The following GSE1 variants were observed in gnomAD, a reference collection of about 807,000 sequenced individuals.
GSE1 encodes the protein Gse1 coiled-coil protein, also known as genetic suppressor element 1.
In GSE1, 32 loss-of-function variants were observed where a neutral mutation model predicts 112.6. The observed-to-expected ratio is 0.28, with a 90% CI of 0.21 to 0.38. The LOEUF (loss-of-function observed/expected upper bound fraction) is 0.38. Among genes scored for constraint, GSE1 ranks in the 10% least tolerant of loss-of-function variants. The probability of loss-of-function intolerance (pLI) is 1.00; values close to 1 mark genes in which losing one functional copy is unlikely to be tolerated. For synonymous variants in GSE1, 1,115 were observed against 735.6 expected, an observed-to-expected ratio of 1.52 and a Z score of -8.35; for missense variants, 2,348 against 1,699.2, an observed-to-expected ratio of 1.38 and a Z score of -6.71.
At position 85,215,329 on chromosome 16, in the gene GSE1, A is replaced by G. The variant is rs115301545; in HGVS notation, c.2283+43522A>G. Among the ~76,000 whole-genome samples the G allele has an allele frequency of 3.5e-3, 540 of 152,212 alleles. 4 individuals carry two copies. The highest frequency in any genetic ancestry group is 0.013 in the African/African-American group (520 of 41,514). On this transcript the variant is annotated intron_variant, in intron 1 of 2. Transcript: ENST00000637419. ...GGAAACCCCAAAACCATACGTTCTC[A>G]CTTGTAGGTGGGAGCTAAGCTATGA...
intron 1 of GSE1, among the ~76,000 whole-genome samples, chr16:85,589,533 T>C (rs1408822836): frequency 6.6e-6 from 1 of 152,180 alleles, no homozygotes; most frequent in Non-Finnish European, 1.5e-5. Context: ...GGGGGGTCCC[T>C]GGTATTTGTT....
At chr16:85,430,295 C>G (rs2049089434) in intron 2 of GSE1, among the ~76,000 whole-genome samples, 1 of 152,190 alleles carries the variant, frequency 6.6e-6, no homozygotes. Flanking sequence ...AAGAAACACA[C>G]AGAAGGAAGA....
chr16:85,487,277 C>T (rs1344610375), intron 2 of GSE1, among the ~76,000 whole-genome samples: 1 of 152,206 alleles, frequency 6.6e-6, no homozygotes, highest in Non-Finnish European at 1.5e-5. Flanking sequence ...CTTGCACTCA[C>T]AGCCTTGCGT....
At chr16:85,376,026 A>G (rs975717442) in intron 2 of GSE1, among the ~76,000 whole-genome samples, 4 of 151,914 alleles carry the variant, frequency 2.6e-5, no homozygotes, top group African/African-American at 7.3e-5. Context: ...CAGACCCCAC[A>G]CTCCAACTTG....
chr16:85,229,733 C>T (rs1268391104), intron 1 of GSE1, among the ~76,000 whole-genome samples: 2 of 152,182 alleles, frequency 1.3e-5, no homozygotes, highest in South Asian at 2.1e-4. Flanking sequence ...AAGCGCAGTT[C>T]GCAGCTCCAG....
At chr16:85,521,717 T>C (rs1598052322) in intron 2 of GSE1, among the ~76,000 whole-genome samples, 1 of 151,654 alleles carries the variant, frequency 6.6e-6, no homozygotes, top group Non-Finnish European at 1.5e-5. Context: ...GGAGCAGGAG[T>C]GTGTTGCTCT....
chr16:85,200,078 A>G (rs4564552), intron 1 of GSE1, among the ~76,000 whole-genome samples: 1 of 151,996 alleles, frequency 6.6e-6, no homozygotes, highest in Admixed American at 6.6e-5. Flanking sequence ...CTGTTATCCC[A>G]CCCTCTGCGG....
chr16:85,194,953 C>T (rs542217825), intron 1 of GSE1, among the ~76,000 whole-genome samples: 3 of 152,118 alleles, frequency 2.0e-5, no homozygotes, highest in South Asian at 2.1e-4. Flanking sequence ...CAGCCAGGGC[C>T]GGTCGTGAGG....
intron 1 of GSE1, among the ~76,000 whole-genome samples, chr16:85,240,723 T>C (rs375384845): frequency 4.2e-4 from 64 of 152,326 alleles, no homozygotes; most frequent in African/African-American, 1.5e-3. Context: ...AGGACTGCCA[T>C]TGTCCTGAGC....
chr16:85,432,479 C>T (rs2049145124), intron 2 of GSE1, among the ~76,000 whole-genome samples: 1 of 152,256 alleles, frequency 6.6e-6, no homozygotes, highest in Admixed American at 6.5e-5. Flanking sequence ...AGCAGCTGAG[C>T]TGCACATCCC....
intron 10 of GSE1, 67 bp from the exon 11 acceptor site, chr16:85,663,277 C>T: frequency 6.4e-7 from 1 of 1,555,616 alleles, no homozygotes; most frequent in South Asian, 1.1e-5. Context: ...CAGGAGGGGA[C>T]CCCGGGACAG....
At chr16:85,249,911 G>T (rs549530560) in intron 1 of GSE1, among the ~76,000 whole-genome samples, 1 of 152,388 alleles carries the variant, frequency 6.6e-6, no homozygotes, top group East Asian at 1.9e-4. Flanking sequence ...TGGTGATGCG[G>T]CAGGGCCGAG....
rs570094083 is a variant in GSE1 at position 85,214,576 on chromosome 16, C to T, written c.2283+42769C>T. Among the ~76,000 whole-genome samples the T allele has an allele frequency of 2.4e-4, 37 of 152,294 alleles. 1 individual carries two copies. The highest frequency in any genetic ancestry group is 5.1e-4 in the Non-Finnish European group (35 of 68,022). Reference sequence around the variant, plus strand: ...ATCCAGACTTCTCCTAACCGAACTGCACCGAGAATGACTTTCTGAGGTTTT... The same window carrying T: ...ATCCAGACTTCTCCTAACCGAACTGTACCGAGAATGACTTTCTGAGGTTTT... On this transcript the variant is annotated intron_variant, in intron 1 of 2. Coordinates refer to the GSE1 transcript ENST00000637419.
chr16:85,633,766 C>G lies in GSE1; in HGVS notation c.8-148C>G, dbSNP rs879155589. The G allele has an allele frequency of 3.2e-5, 20 of 618,082 alleles. No individual in the cohort carries two copies. In the South Asian group the frequency reaches 4.0e-4, roughly 12 times the overall value. The allele number at this position is 618,082 out of a possible 1,614,324, so 38.3% of individuals were successfully genotyped here. A position where few individuals can be genotyped will look rare whatever the true frequency, so the allele number is the denominator to read the frequency against. On this transcript the variant is annotated intron_variant, in intron 1 of 15. Coordinates refer to ENST00000253458, the MANE Select transcript of GSE1 (RefSeq NM_014615.5). The stretch of plus-strand genomic sequence containing the variant: ...GTCTGTTCTCTCTGCAGCGCTGGCT[C>G]TGTCCTGTTCTTGCTTGTCCTGCTG...
At chr16:85,359,255 G>A (rs1209686687) in intron 2 of GSE1, 7 of 379,978 alleles carry the variant, frequency 1.8e-5, no homozygotes, top group African/African-American at 4.2e-5. Context: ...TTGGCGATGC[G>A]TCCTCCTGGG....
At chr16:85,620,945 G>T (rs1048950019) in intron 1 of GSE1, among the ~76,000 whole-genome samples, 3 of 151,250 alleles carry the variant, frequency 2.0e-5, no homozygotes, top group African/African-American at 7.3e-5. Flanking sequence ...TCGGCCATGG[G>T]TGTCTGCTGT....
chr16:85,428,577 T>A (rs756892477), intron 2 of GSE1, among the ~76,000 whole-genome samples: 76 of 152,314 alleles, frequency 5.0e-4, no homozygotes, highest in Middle Eastern at 3.4e-3. Flanking sequence ...ACAAGGTGTT[T>A]TGGGTCCCTG....
At chr16:85,555,722 G>C (rs2045173643), upstream of GSE1, 1 of 962,370 alleles carries the variant, frequency 1.0e-6, no homozygotes, top group South Asian at 4.8e-5. Context: ...AAACCCTGTT[G>C]GAAACAGGTC....
At chr16:85,496,730 G>A (rs913894644) in intron 2 of GSE1, among the ~76,000 whole-genome samples, 2 of 152,208 alleles carry the variant, frequency 1.3e-5, no homozygotes, top group Admixed American at 6.5e-5. Context: ...GTGATGGTCG[G>A]GGGTGCACGA....
Sources: allele counts gnomAD v4.1 joint callset (sites outside exome capture counted in the v4.1 genomes callset), GRCh38; gene constraint gnomAD v4.1.1; transcripts MANE v1.5; gene names NCBI Gene and HGNC (gene_info 2026-07-23, HGNC 2026-07-21).